DLG2: variants seen among roughly 807,000 people sequenced by gnomAD.
DLG2 encodes discs large MAGUK scaffold protein 2.
In DLG2, 45 loss-of-function variants were observed where a neutral mutation model predicts 132.5. The ratio of observed to expected loss-of-function variants is 0.34; its 90% CI spans 0.27 to 0.44. The LOEUF is 0.44. Among genes scored for constraint, DLG2 ranks in the 20% least tolerant of loss-of-function variants. The probability of loss-of-function intolerance (pLI) is 1.00; values close to 1 mark genes in which losing one functional copy is unlikely to be tolerated. For synonymous variants in DLG2, 424 were observed against 419.6 expected (o/e 1.01, Z -0.13); for missense variants, 1,045 against 1,196.9 (o/e 0.87, Z 1.87).
chr11:83,872,418 G>C (rs2063648548), intron 16 of DLG2, among the ~76,000 whole-genome samples: 1 of 152,022 alleles, frequency 6.6e-6, no homozygotes, highest in Non-Finnish European at 1.5e-5. Context: ...ATTCTTATAG[G>C]GAATAGAATA....
chr11:84,938,772 G>A (rs573622609), intron 6 of DLG2, among the ~76,000 whole-genome samples: 1 of 152,254 alleles, frequency 6.6e-6, no homozygotes, highest in African/African-American at 2.4e-5. Flanking sequence ...CTAACTGTGA[G>A]TACACAGGAA....
chr11:84,274,219 C>G (rs140613255), intron 7 of DLG2, among the ~76,000 whole-genome samples: 134 of 152,290 alleles, frequency 8.8e-4, no homozygotes, highest in Admixed American at 1.9e-3. Context: ...CTCCACCAGT[C>G]CCTAATGTCT....
At chr11:84,754,154 AG>A (rs1373390926) in intron 6 of DLG2, among the ~76,000 whole-genome samples, 3 of 152,208 alleles carry the variant, frequency 2.0e-5, no homozygotes, top group Non-Finnish European at 2.9e-5. Context: ...AAAGGGTAAA[AG>A]AAATTAAGAC....
chr11:84,022,222 A>C (rs1167967958), intron 11 of DLG2, among the ~76,000 whole-genome samples: 1 of 152,182 alleles, frequency 6.6e-6, no homozygotes, highest in Non-Finnish European at 1.5e-5. Context: ...TGTTAAAAAC[A>C]TTCGGGGCAT....
intron 6 of DLG2, among the ~76,000 whole-genome samples, chr11:84,574,797 T>C (rs954244791): frequency 1.3e-5 from 2 of 152,172 alleles, no homozygotes; most frequent in African/African-American, 4.8e-5. Context: ...TGCTCCTTTG[T>C]TGCCTATCTC....
At chr11:85,309,045 A>C (rs546800169) in intron 3 of DLG2, among the ~76,000 whole-genome samples, 1 of 152,264 alleles carries the variant, frequency 6.6e-6, no homozygotes, top group East Asian at 1.9e-4. Context: ...GGAGAAAATA[A>C]TGATATGCCA....
At chr11:85,292,513 G>C (rs2078955452) in intron 3 of DLG2, among the ~76,000 whole-genome samples, 1 of 151,438 alleles carries the variant, frequency 6.6e-6, no homozygotes, top group South Asian at 2.1e-4. Context: ...CTCAATAGAT[G>C]CTGAACACAT....
At chr11:84,596,434 G>T (rs1174228612) in intron 6 of DLG2, among the ~76,000 whole-genome samples, 1 of 149,820 alleles carries the variant, frequency 6.7e-6, no homozygotes, top group African/African-American at 2.5e-5. Context: ...CGTTGGCCAG[G>T]CTCCTCTCGA....
At chr11:84,102,478 G>T (rs531640162) in intron 9 of DLG2, among the ~76,000 whole-genome samples, 1 of 152,144 alleles carries the variant, frequency 6.6e-6, no homozygotes, top group African/African-American at 2.4e-5. Flanking sequence ...AAGCCATTTT[G>T]CTCTGTGTCA....
intron 6 of DLG2, among the ~76,000 whole-genome samples, chr11:84,743,266 A>G (rs2064923513): frequency 6.6e-6 from 1 of 152,162 alleles, no homozygotes. Flanking sequence ...AGGAAAGAAA[A>G]TTCATATCTA....
intron 6 of DLG2, among the ~76,000 whole-genome samples, chr11:85,000,150 C>G (rs760297417): frequency 1.3e-5 from 2 of 152,106 alleles, no homozygotes; most frequent in Non-Finnish European, 2.9e-5. Flanking sequence ...CTGTTAGAAA[C>G]AAGTCAGCAA....
intron 7 of DLG2, among the ~76,000 whole-genome samples, chr11:84,405,593 A>G (rs1348533655): frequency 1.3e-5 from 2 of 152,230 alleles, no homozygotes; most frequent in Non-Finnish European, 2.9e-5. Flanking sequence ...GCAAGGCATT[A>G]AAGGATAAAA....
At chr11:85,380,735 G>T (rs1473635928) in intron 3 of DLG2, among the ~76,000 whole-genome samples, 9 of 152,296 alleles carry the variant, frequency 5.9e-5, no homozygotes, top group African/African-American at 2.2e-4. Context: ...AGTTAACTAT[G>T]CATCAAATTG....
chr11:84,909,812 A>G (rs1410753227), intron 6 of DLG2, among the ~76,000 whole-genome samples: 1 of 152,190 alleles, frequency 6.6e-6, no homozygotes, highest in Non-Finnish European at 1.5e-5. Flanking sequence ...AGTTAAGACT[A>G]TATCAAAAAT....
At chr11:85,380,424 C>A (rs998436810) in intron 3 of DLG2, among the ~76,000 whole-genome samples, 2 of 152,034 alleles carry the variant, frequency 1.3e-5, no homozygotes, top group Non-Finnish European at 2.9e-5. Flanking sequence ...TTTGGGAGGC[C>A]AAGGCAGGAG....
intron 4 of DLG2, among the ~76,000 whole-genome samples, chr11:85,270,731 G>C (rs566386988): frequency 6.6e-6 from 1 of 152,302 alleles, no homozygotes; most frequent in Non-Finnish European, 1.5e-5. Context: ...GGTGACTCTT[G>C]TTATGGTTTA....
intron 3 of DLG2, among the ~76,000 whole-genome samples, chr11:85,398,834 T>C (rs891932781): frequency 2.0e-5 from 3 of 152,160 alleles, no homozygotes; most frequent in Non-Finnish European, 4.4e-5. Context: ...CACAGCCAAA[T>C]TCTACCAGAG....
intron 18 of DLG2, among the ~76,000 whole-genome samples, chr11:83,688,728 T>G (rs1268718981): frequency 6.6e-6 from 1 of 152,222 alleles, no homozygotes; most frequent in Non-Finnish European, 1.5e-5. Context: ...GTGTGTACCT[T>G]CTTCAATTTC....
intron 4 of DLG2, among the ~76,000 whole-genome samples, chr11:85,162,564 T>C (rs982591037): frequency 4.6e-5 from 7 of 152,222 alleles, no homozygotes; most frequent in African/African-American, 1.4e-4. Flanking sequence ...ATATATACGC[T>C]TGTATTAAGA....
Sources: allele counts gnomAD v4.1 joint callset (sites outside exome capture counted in the v4.1 genomes callset), GRCh38; gene constraint gnomAD v4.1.1; transcripts MANE v1.5; gene names NCBI Gene and HGNC (gene_info 2026-07-23, HGNC 2026-07-21).